DAP: variants seen among roughly 807,000 people sequenced by gnomAD.
The protein encoded by DAP is death associated protein.
In DAP, 8 loss-of-function variants were observed where a neutral mutation model predicts 13.8. The ratio of observed to expected loss-of-function variants is 0.58; its 90% CI spans 0.34 to 1.05. DAP has a LOEUF of 1.05. Ranked by LOEUF, DAP falls within the 50% of genes least tolerant of loss-of-function variation. DAP has a pLI of 0.03. For synonymous variants in DAP, 47 were observed against 47.5 expected, an observed-to-expected ratio of 0.99 and a Z score of 0.04; for missense variants, 106 against 133.2, an observed-to-expected ratio of 0.80 and a Z score of 1.01.
chr5:10,708,031 C>T (rs957593713), intron 2 of DAP, among the ~76,000 whole-genome samples: 3 of 152,160 alleles, frequency 2.0e-5, no homozygotes, highest in Admixed American at 6.5e-5. Context: ...GCAATACAAA[C>T]TTGAGCATTG....
intron 2 of DAP, among the ~76,000 whole-genome samples, chr5:10,715,166 T>C (rs79222036): frequency 6.6e-6 from 1 of 152,298 alleles, no homozygotes; most frequent in East Asian, 1.9e-4. Context: ...GCTGAGTTCC[T>C]GTTTTTGGAG....
chr5:10,721,627 A>G (rs1739144920), intron 2 of DAP, among the ~76,000 whole-genome samples: 1 of 152,166 alleles, frequency 6.6e-6, no homozygotes, highest in Non-Finnish European at 1.5e-5. Context: ...CAACAGCCCA[A>G]CCCAGGCAGG....
chr5:10,689,717 T>C (rs1029302811), intron 2 of DAP, among the ~76,000 whole-genome samples: 1 of 152,200 alleles, frequency 6.6e-6, no homozygotes, highest in East Asian at 1.9e-4. Flanking sequence ...ACAAAGTGGC[T>C]AGTCATTCTG....
intron 1 of DAP, among the ~76,000 whole-genome samples, chr5:10,757,426 C>G (rs1740217568): frequency 6.6e-6 from 1 of 152,154 alleles, no homozygotes; most frequent in East Asian, 1.9e-4. Context: ...AGGCACCCAC[C>G]AGCACACCCG....
At chr5:10,726,545 A>C (rs1739291746) in intron 2 of DAP, among the ~76,000 whole-genome samples, 1 of 152,204 alleles carries the variant, frequency 6.6e-6, no homozygotes, top group Non-Finnish European at 1.5e-5. Flanking sequence ...GAGGAGGCAG[A>C]GGTGTGACGG....
intron 2 of DAP, among the ~76,000 whole-genome samples, chr5:10,720,568 G>A (rs1051272808): frequency 6.6e-6 from 1 of 152,194 alleles, no homozygotes; most frequent in African/African-American, 2.4e-5. Flanking sequence ...ACATGTCATC[G>A]CCCAATGGGC....
At chr5:10,697,371 C>G (rs1304392267) in intron 2 of DAP, among the ~76,000 whole-genome samples, 1 of 152,198 alleles carries the variant, frequency 6.6e-6, no homozygotes, top group African/African-American at 2.4e-5. Flanking sequence ...AAAAACTTTA[C>G]ATGTTGCTTG....
chr5:10,705,421 G>A (rs1251271509), intron 2 of DAP, among the ~76,000 whole-genome samples: 1 of 152,200 alleles, frequency 6.6e-6, no homozygotes, highest in Admixed American at 6.5e-5. Context: ...CCACCACTGG[G>A]TCACGTGCTG....
chr5:10,687,735 TA>T (rs943183502), intron 2 of DAP, among the ~76,000 whole-genome samples: 3 of 152,212 alleles, frequency 2.0e-5, no homozygotes, highest in Non-Finnish European at 4.4e-5. Flanking sequence ...GAATATTATA[TA>T]AACTTAATTG....
intron 1 of DAP, among the ~76,000 whole-genome samples, chr5:10,757,531 C>T (rs1209735955): frequency 2.0e-5 from 3 of 152,162 alleles, no homozygotes; most frequent in Admixed American, 2.0e-4. Context: ...ACCTGGGTCT[C>T]CCAAAGTGCT....
At chr5:10,730,001 G>A (rs1170790929) in intron 2 of DAP, among the ~76,000 whole-genome samples, 3 of 152,228 alleles carry the variant, frequency 2.0e-5, no homozygotes, top group African/African-American at 7.2e-5. Context: ...ACCATTAATG[G>A]TGGTTACGAA....
rs748849243 is a variant in DAP at position 10,680,073 on chromosome 5, T to C, written c.*983A>G. ...AAGTGACAATGGACCCAGGCAGCTG[T>C]GCACACCAGGTGGGAGGCGTTTGGA... On this transcript the variant is annotated 3_prime_UTR_variant, in exon 4 of 4. Transcript: ENST00000230895. 2.0e-5 allele frequency: 3 copies of C among 152,798 alleles called. No homozygotes were observed. Among genetic ancestry groups the C allele is most frequent in the Non-Finnish European group, 2.9e-5 (2 of 68,398 alleles). 9.5% of individuals were successfully genotyped at this position (152,798 alleles called of 1,614,324 possible).
chr5:10,681,806 G>A (rs192263309), intron 3 of DAP, among the ~76,000 whole-genome samples: 14 of 150,904 alleles, frequency 9.3e-5, no homozygotes, highest in Admixed American at 2.0e-4. Flanking sequence ...GAAGGATGGC[G>A]GTTGTATAAG....
At chr5:10,709,087 T>C (rs568941763) in intron 2 of DAP, among the ~76,000 whole-genome samples, 1 of 152,278 alleles carries the variant, frequency 6.6e-6, no homozygotes, top group Non-Finnish European at 1.5e-5. Flanking sequence ...ACCTCTGGAA[T>C]AGACAAGCAT....
At chr5:10,686,967 G>A (rs1343843826) in intron 2 of DAP, among the ~76,000 whole-genome samples, 1 of 152,220 alleles carries the variant, frequency 6.6e-6, no homozygotes, top group Non-Finnish European at 1.5e-5. Flanking sequence ...GACTAATGCA[G>A]CTGATGACTT....
At chr5:10,760,124 T>C (rs1740302209) in intron 1 of DAP, among the ~76,000 whole-genome samples, 1 of 152,238 alleles carries the variant, frequency 6.6e-6, no homozygotes, top group African/African-American at 2.4e-5. Context: ...CAAAGACTTC[T>C]GTTCCTACAA....
In DAP at chr5:10,745,973, G is replaced by A. The variant is rs766969326; in HGVS notation, c.152+2202C>T. Among the ~76,000 whole-genome samples the A allele has an allele frequency of 3.3e-5, 5 of 152,108 alleles. No individual in the cohort carries two copies. The South Asian group carries it at 6.2e-4, about 19-fold the overall frequency. On this transcript the variant is annotated intron_variant, in intron 2 of 3. Transcript: ENST00000230895. ...TGGAAGGCTTCCTCATAACTTGTACGGAGGCAAAACTTAACCTGAAGTGAC... is the reference window on the plus strand; with the variant it reads ...TGGAAGGCTTCCTCATAACTTGTACAGAGGCAAAACTTAACCTGAAGTGAC...
At chr5:10,757,522 C>T (rs972209587) in intron 1 of DAP, among the ~76,000 whole-genome samples, 1 of 152,204 alleles carries the variant, frequency 6.6e-6, no homozygotes, top group African/African-American at 2.4e-5. Context: ...GCTCTCCCCA[C>T]CTGGGTCTCC....
intron 2 of DAP, among the ~76,000 whole-genome samples, chr5:10,687,908 T>A (rs1347577303): frequency 8.9e-6 from 1 of 112,136 alleles, no homozygotes; most frequent in Non-Finnish European, 1.9e-5. Context: ...TTGTTGTCTT[T>A]TTTTTTTTTT....
Sources: allele counts gnomAD v4.1 joint callset (sites outside exome capture counted in the v4.1 genomes callset), GRCh38; gene constraint gnomAD v4.1.1; transcripts MANE v1.5; gene names NCBI Gene and HGNC (gene_info 2026-07-23, HGNC 2026-07-21).